The following CACNA2D3 variants were observed in gnomAD, a reference collection of about 807,000 sequenced individuals.
CACNA2D3 encodes calcium voltage-gated channel auxiliary subunit alpha2delta 3.
A neutral mutation model predicts 160.6 loss-of-function variants in CACNA2D3; 60 were observed. The ratio of observed to expected loss-of-function variants is 0.37; its 90% CI spans 0.30 to 0.46. The LOEUF (loss-of-function observed/expected upper bound fraction) is 0.46, where lower values mean the gene tolerates loss of function less well. Among genes scored for constraint, CACNA2D3 ranks in the 20% least tolerant of loss-of-function variants. The pLI is 1.00. For missense variants in CACNA2D3, 1,205 were observed against 1,365.0 expected (o/e 0.88, Z 1.85); for synonymous variants, 558 against 492.9 (o/e 1.13, Z -1.75).
At chr3:54,372,863 C>G (rs1369820080) in intron 3 of CACNA2D3, among the ~76,000 whole-genome samples, 1 of 152,162 alleles carries the variant, frequency 6.6e-6, no homozygotes, top group Non-Finnish European at 1.5e-5. Flanking sequence ...AGTTTGGTTC[C>G]AGAGGGTGAA....
chr3:54,597,597 T>C, intron 9 of CACNA2D3, among the ~76,000 whole-genome samples: 1 of 152,102 alleles, frequency 6.6e-6, no homozygotes, highest in East Asian at 1.9e-4. Context: ...AAAATGGTCT[T>C]GAGGGTAAAA....
At chr3:54,141,087 G>GTGTGTGTGTGTGTGTGCGCGCA (rs1553731269) in intron 2 of CACNA2D3, among the ~76,000 whole-genome samples, 1 of 119,728 alleles carries the variant, frequency 8.4e-6, no homozygotes, top group Admixed American at 9.3e-5. Flanking sequence ...GTGTGTGTGT[G>GTGTGTGTGTGTGTGTGCGCGCA]CGCGCGCGCG....
intron 35 of CACNA2D3, among the ~76,000 whole-genome samples, chr3:55,040,995 T>G (rs534850020): frequency 1.4e-4 from 22 of 152,336 alleles, no homozygotes; most frequent in Non-Finnish European, 2.4e-4. Flanking sequence ...GTATTCATTT[T>G]TTTCATTTCT....
chr3:55,008,302 T>C (rs564377875), intron 33 of CACNA2D3, among the ~76,000 whole-genome samples: 4 of 152,326 alleles, frequency 2.6e-5, no homozygotes, highest in East Asian at 3.9e-4. Flanking sequence ...TCTGTCAAAC[T>C]ATGGTCTTGT....
intron 9 of CACNA2D3, among the ~76,000 whole-genome samples, chr3:54,599,194 C>T (rs557738487): frequency 3.9e-5 from 6 of 152,292 alleles, no homozygotes; most frequent in African/African-American, 1.2e-4. Context: ...CGGGTTGCCA[C>T]TCCTGACTTT....
rs112999755 is a variant in CACNA2D3, at chr3:54,633,211, C to T, written c.1053+5335C>T. On this transcript the variant is annotated intron_variant, in intron 10 of 37. Transcript: ENST00000474759. ...TGGAGCCCTACCACCTATCCATTTG[C>T]TTACTGATCTTCCTGAATTACTGAA... 5.6e-3 allele frequency among the ~76,000 whole-genome samples: 854 copies of T among 152,228 alleles called. 6 individuals are homozygous for T. The highest frequency in any genetic ancestry group is 0.014 in the South Asian group (67 of 4,810).
intron 2 of CACNA2D3, among the ~76,000 whole-genome samples, chr3:54,164,837 G>T (rs1247214439): frequency 6.6e-6 from 1 of 152,162 alleles, no homozygotes; most frequent in Admixed American, 6.5e-5. Context: ...ACACTTCCAG[G>T]CTGTGTGGCC....
chr3:54,833,307 C>A (rs1283501876), intron 14 of CACNA2D3, among the ~76,000 whole-genome samples: 3 of 152,206 alleles, frequency 2.0e-5, no homozygotes, highest in Non-Finnish European at 2.9e-5. Flanking sequence ...AATTGCATAG[C>A]AGTTCATTTT....
intron 3 of CACNA2D3, among the ~76,000 whole-genome samples, chr3:54,343,197 T>C (rs1002703401): frequency 3.3e-5 from 5 of 151,610 alleles, no homozygotes; most frequent in Middle Eastern, 3.2e-3. Flanking sequence ...AGCCCCCCCC[T>C]CCCACGAGGA....
At chr3:54,470,380 G>C (rs562749065) in intron 4 of CACNA2D3, among the ~76,000 whole-genome samples, 7 of 152,170 alleles carry the variant, frequency 4.6e-5, no homozygotes, top group Non-Finnish European at 8.8e-5. Context: ...GAAGCAAATG[G>C]TGAGAGATTT....
intron 25 of CACNA2D3, chr3:54,894,758 A>T: frequency 2.3e-6 from 1 of 437,620 alleles, no homozygotes; most frequent in South Asian, 1.6e-5. Flanking sequence ...TTTCATGTCT[A>T]GCGAAAGAAA....
intron 3 of CACNA2D3, among the ~76,000 whole-genome samples, chr3:54,351,044 C>G (rs568001896): frequency 7.5e-6 from 1 of 133,564 alleles, no homozygotes; most frequent in African/African-American, 2.8e-5. Context: ...GCTGGAGGCG[C>G]GATCTCGGCT....
At chr3:54,946,630 G>A (rs1329158564) in intron 27 of CACNA2D3, among the ~76,000 whole-genome samples, 3 of 152,100 alleles carry the variant, frequency 2.0e-5, no homozygotes, top group South Asian at 4.1e-4. Flanking sequence ...AATGACAGGA[G>A]AGCCGTCCTT....
chr3:54,917,496 G>A (rs993529094), intron 27 of CACNA2D3, among the ~76,000 whole-genome samples: 4 of 152,198 alleles, frequency 2.6e-5, no homozygotes, highest in Admixed American at 6.5e-5. Context: ...ACCCTGACAC[G>A]GCTGCATTTC....
chr3:54,841,599 A>G (rs1041501004), intron 16 of CACNA2D3, among the ~76,000 whole-genome samples: 1 of 152,168 alleles, frequency 6.6e-6, no homozygotes, highest in Non-Finnish European at 1.5e-5. Flanking sequence ...CTCCTGATTA[A>G]CACCTTGTAA....
intron 24 of CACNA2D3, among the ~76,000 whole-genome samples, chr3:54,890,511 AAAAGAAAAAG>A (rs1377439006): frequency 6.6e-6 from 1 of 151,414 alleles, no homozygotes; most frequent in Non-Finnish European, 1.5e-5. Context: ...AAAAAAAAAA[AAAAGAAAAAG>A]AAAGAAAAAA....
At chr3:54,638,275 G>C (rs1334366904) in intron 10 of CACNA2D3, 1 of 152,006 alleles carries the variant, frequency 6.6e-6, no homozygotes, top group Non-Finnish European at 1.5e-5. Context: ...CATGAACTGG[G>C]CTAGATTTTT....
intron 2 of CACNA2D3, among the ~76,000 whole-genome samples, chr3:54,280,912 T>C (rs1421882299): frequency 6.6e-6 from 1 of 152,206 alleles, no homozygotes; most frequent in Admixed American, 6.5e-5. Flanking sequence ...CACTCCATAC[T>C]TCCCTTGCTA....
At position 54,838,653 on chromosome 3, in the gene CACNA2D3, T is replaced by C; in HGVS notation, c.1551+5T>C. Reference sequence around the variant, plus strand: ...AAGACCATCCCCAAATACAAGGTAATGAATGACCTAATCCCTGAAATCAAA... The same window carrying C: ...AAGACCATCCCCAAATACAAGGTAACGAATGACCTAATCCCTGAAATCAAA... On this transcript the variant is annotated splice_donor_5th_base_variant and intron_variant, in intron 16 of 37. Transcript: ENST00000474759. The C allele has an allele frequency of 1.9e-6, 3 of 1,598,800 alleles. No individual in the cohort carries two copies. The highest frequency in any genetic ancestry group is 1.3e-5 in the African/African-American group (1 of 74,740).
Sources: allele counts gnomAD v4.1 joint callset (sites outside exome capture counted in the v4.1 genomes callset), GRCh38; gene constraint gnomAD v4.1.1; transcripts MANE v1.5; gene names NCBI Gene and HGNC (gene_info 2026-07-23, HGNC 2026-07-21).